The following RYR2 variants were observed in gnomAD, a reference collection of about 807,000 sequenced individuals.
RYR2 encodes cardiac muscle ryanodine receptor-calcium release channel.
In RYR2, 227 loss-of-function variants were observed where a neutral mutation model predicts 601.1. The observed-to-expected ratio is 0.38, with a 90% CI of 0.34 to 0.42. The LOEUF is 0.42. Among genes scored for constraint, RYR2 ranks in the 10% least tolerant of loss-of-function variants. The probability of loss-of-function intolerance (pLI) is 1.00; values close to 1 mark genes in which losing one functional copy is unlikely to be tolerated. For synonymous variants in RYR2, 2,223 were observed against 2,175.1 expected (o/e 1.02, Z -0.61); for missense variants, 4,646 against 6,156.5 (o/e 0.75, Z 8.21).
At chr1:237,556,909 A>AAC (rs1559022538) in intron 27 of RYR2, among the ~76,000 whole-genome samples, 5 of 134,592 alleles carry the variant, frequency 3.7e-5, no homozygotes, top group East Asian at 2.2e-4. Flanking sequence ...AAAAAAAAAA[A>AAC]CCCTCTCAGT....
chr1:237,640,140 G>C (rs1425712077), intron 46 of RYR2, among the ~76,000 whole-genome samples: 1 of 152,100 alleles, frequency 6.6e-6, no homozygotes, highest in Non-Finnish European at 1.5e-5. Flanking sequence ...ACACTAGCAA[G>C]GGTACACCTG....
intron 1 of RYR2, among the ~76,000 whole-genome samples, chr1:237,072,617 T>C (rs1372804215): frequency 6.6e-6 from 1 of 152,166 alleles, no homozygotes; most frequent in African/African-American, 2.4e-5. Context: ...GAAACTCGTA[T>C]TTAATCTTAA....
chr1:237,489,385 G>A (rs933084303), intron 17 of RYR2, among the ~76,000 whole-genome samples: 7 of 152,250 alleles, frequency 4.6e-5, no homozygotes, highest in Non-Finnish European at 7.4e-5. Flanking sequence ...GGCTGGGCAC[G>A]GTGGCTCACA....
chr1:237,107,137 T>G (rs1271181424), intron 1 of RYR2, among the ~76,000 whole-genome samples: 1 of 152,096 alleles, frequency 6.6e-6, no homozygotes, highest in African/African-American at 2.4e-5. Context: ...TTTACTAAAA[T>G]AAAATAGACC....
chr1:237,416,501 CTT>C (rs1289281510), intron 10 of RYR2, among the ~76,000 whole-genome samples: 1 of 151,946 alleles, frequency 6.6e-6, no homozygotes, highest in African/African-American at 2.4e-5. Flanking sequence ...TTTTTTGTGA[CTT>C]TTTGGATATT....
At chr1:237,201,001 G>T (rs1009448143) in intron 1 of RYR2, among the ~76,000 whole-genome samples, 1 of 152,160 alleles carries the variant, frequency 6.6e-6, no homozygotes, top group Non-Finnish European at 1.5e-5. Context: ...ATCAATGTAG[G>T]GTTCCCAAAT....
At chr1:237,163,925 T>C (rs1171764109) in intron 1 of RYR2, among the ~76,000 whole-genome samples, 1 of 152,230 alleles carries the variant, frequency 6.6e-6, no homozygotes, top group Non-Finnish European at 1.5e-5. Context: ...GACTTCAGGA[T>C]CAGAAACCTA....
rs561175314 is a variant in RYR2, at chr1:237,367,908, C to T, written c.310-1626C>T. Among the ~76,000 whole-genome samples the T allele has an allele frequency of 1.0e-3, 156 of 152,336 alleles. 1 individual carries two copies. The highest frequency in any genetic ancestry group is 9.7e-3 in the Admixed American group (148 of 15,298). ...GAGTACTTACCATGGCCTGACCTCA[C>T]GCTCATAGCTGGAGGTGAAATGATA... On this transcript the variant is annotated intron_variant, in intron 5 of 104. Coordinates refer to ENST00000366574, the MANE Select transcript of RYR2 (RefSeq NM_001035.3).
intron 63 of RYR2, among the ~76,000 whole-genome samples, chr1:237,697,712 T>C (rs1322092838): frequency 6.6e-6 from 1 of 151,422 alleles, no homozygotes; most frequent in Non-Finnish European, 1.5e-5. Context: ...TTTTAATCTT[T>C]CTTTGTTAAG....
At chr1:237,311,869 A>G (rs926636792) in intron 2 of RYR2, among the ~76,000 whole-genome samples, 1 of 152,216 alleles carries the variant, frequency 6.6e-6, no homozygotes, top group Non-Finnish European at 1.5e-5. Flanking sequence ...TACTCTTATC[A>G]TAGAAGTGGC....
chr1:237,085,071 G>A (rs557126988), intron 1 of RYR2, among the ~76,000 whole-genome samples: 258 of 152,332 alleles, frequency 1.7e-3, no homozygotes, highest in African/African-American at 5.9e-3. Context: ...ACTCAAGGGT[G>A]TGATTGCCGT....
intron 17 of RYR2, among the ~76,000 whole-genome samples, chr1:237,481,094 A>C (rs1019763445): frequency 2.3e-5 from 3 of 128,670 alleles, no homozygotes; most frequent in Non-Finnish European, 4.8e-5. Context: ...TGTTATTTTT[A>C]AGTGTATATA....
intron 2 of RYR2, among the ~76,000 whole-genome samples, chr1:237,279,060 TG>T (rs1160310275): frequency 2.0e-5 from 3 of 152,210 alleles, no homozygotes; most frequent in South Asian, 2.1e-4. Context: ...AAATGCTATA[TG>T]TTTTTTTCAT....
chr1:237,355,853 G>A, intron 3 of RYR2, 112 bp from the exon 4 acceptor site: 2 of 852,636 alleles, frequency 2.3e-6, no homozygotes, highest in Non-Finnish European at 3.7e-6. Flanking sequence ...AGAATTGGAA[G>A]TAGATTGTGG....
At chr1:237,176,282 A>C (rs111995431) in intron 1 of RYR2, among the ~76,000 whole-genome samples, 2 of 46,194 alleles carry the variant, frequency 4.3e-5, no homozygotes, top group Non-Finnish European at 8.8e-5. Context: ...GAAATATATA[A>C]AAATAATATA....
At chr1:237,630,700 T>C (rs1457061134) in intron 41 of RYR2, among the ~76,000 whole-genome samples, 1 of 152,286 alleles carries the variant, frequency 6.6e-6, no homozygotes, top group East Asian at 1.9e-4. Context: ...AGCTCTTTAT[T>C]TGCAGTGAAT....
chr1:237,456,758 T>C (rs775708475), intron 16 of RYR2, 23 bp downstream of exon 16: 2 of 1,612,234 alleles, frequency 1.2e-6, no homozygotes, highest in Non-Finnish European at 1.7e-6. Context: ...ATTGGGTTCA[T>C]AGCAACAGAG....
At chr1:237,763,751 G>T (rs934498410) in intron 84 of RYR2, among the ~76,000 whole-genome samples, 2 of 152,154 alleles carry the variant, frequency 1.3e-5, no homozygotes, top group African/African-American at 4.8e-5. Context: ...ATATGTAAGG[G>T]CCACTCATTA....
chr1:237,208,096 A>G (rs1416845001), intron 1 of RYR2, among the ~76,000 whole-genome samples: 1 of 152,204 alleles, frequency 6.6e-6, no homozygotes, highest in East Asian at 1.9e-4. Context: ...ACACAAGGGC[A>G]CGTTTGCTCT....
Sources: allele counts gnomAD v4.1 joint callset (sites outside exome capture counted in the v4.1 genomes callset), GRCh38; gene constraint gnomAD v4.1.1; transcripts MANE v1.5; gene names NCBI Gene and HGNC (gene_info 2026-07-23, HGNC 2026-07-21).